The following SDCCAG8 variants were observed in gnomAD, a reference collection of about 807,000 sequenced individuals.
The protein encoded by SDCCAG8 is serologically defined colon cancer antigen 8.
SDCCAG8 carries 74 observed loss-of-function variants against 101.8 expected under a neutral mutation model. The observed-to-expected ratio is 0.73, with a 90% CI of 0.60 to 0.88. The LOEUF (loss-of-function observed/expected upper bound fraction) is 0.88. Ranked by LOEUF, SDCCAG8 falls within the 40% of genes least tolerant of loss-of-function variation. The probability of loss-of-function intolerance (pLI) is 0.00; values close to 1 mark genes in which losing one functional copy is unlikely to be tolerated. For synonymous variants in SDCCAG8, 281 were observed against 292.9 expected (o/e 0.96, Z 0.41); for missense variants, 787 against 822.6 (o/e 0.96, Z 0.53).
rs886046328 is a variant in SDCCAG8, at chr1:243,256,068, G to T, written c.-106G>T. 5 of 1,035,750 alleles carry T rather than the reference G, an allele frequency of 4.8e-6. No homozygotes were observed. The highest frequency in any genetic ancestry group is 7.7e-6 in the Non-Finnish European group (5 of 653,198). The allele number at this position is 1,035,750 out of a possible 1,614,324, so 64.2% of individuals were successfully genotyped here. ...TCTAGGCTCCCCTGTGACAGCCGCG[G>T]CAGGAAGCAGGCGGGCGCTCCCCGG... is the stretch of plus-strand genomic sequence containing the variant. On this transcript the variant is annotated 5_prime_UTR_variant, in exon 1 of 18. Coordinates refer to ENST00000366541, the MANE Select transcript of SDCCAG8 (RefSeq NM_006642.5).
intron 12 of SDCCAG8, among the ~76,000 whole-genome samples, chr1:243,358,880 T>C (rs1276923703): frequency 6.6e-6 from 1 of 152,230 alleles, no homozygotes; most frequent in East Asian, 1.9e-4. Flanking sequence ...TATTGTATGA[T>C]TCAATTTATA....
intron 13 of SDCCAG8, among the ~76,000 whole-genome samples, chr1:243,411,538 T>C (rs920463533): frequency 1.1e-4 from 16 of 152,178 alleles, no homozygotes; most frequent in Non-Finnish European, 2.2e-4. Flanking sequence ...AGTCATAACA[T>C]AGAAGAACAT....
At chr1:243,347,262 C>A (rs966153463) in intron 12 of SDCCAG8, among the ~76,000 whole-genome samples, 1 of 151,976 alleles carries the variant, frequency 6.6e-6, no homozygotes, top group Non-Finnish European at 1.5e-5. Context: ...TCATAAATAC[C>A]CATGTGGATC....
At chr1:243,487,917 C>G (rs1186689072) in intron 16 of SDCCAG8, 1 of 152,544 alleles carries the variant, frequency 6.6e-6, no homozygotes, top group Non-Finnish European at 1.5e-5. Flanking sequence ...GGGCTCGGGC[C>G]CCTGGACCAA....
At chr1:243,346,558 A>G (rs1051069147) in intron 12 of SDCCAG8, among the ~76,000 whole-genome samples, 2 of 152,238 alleles carry the variant, frequency 1.3e-5, no homozygotes, top group African/African-American at 4.8e-5. Context: ...AAATAGGGCA[A>G]ATGGTTAACC....
intron 16 of SDCCAG8, among the ~76,000 whole-genome samples, chr1:243,482,546 C>T (rs1336890121): frequency 1.3e-5 from 2 of 152,222 alleles, no homozygotes; most frequent in South Asian, 2.1e-4. Context: ...CCTACCCAGG[C>T]AGGGGTGGCA....
At chr1:243,450,537 C>T (rs996043604) in intron 16 of SDCCAG8, among the ~76,000 whole-genome samples, 5 of 152,148 alleles carry the variant, frequency 3.3e-5, no homozygotes, top group Admixed American at 2.0e-4. Flanking sequence ...ATTCTTGTCT[C>T]GTGGGAAAGC....
intron 4 of SDCCAG8, among the ~76,000 whole-genome samples, chr1:243,276,459 G>C (rs2068581371): frequency 6.6e-6 from 1 of 152,130 alleles, no homozygotes; most frequent in Admixed American, 6.5e-5. Flanking sequence ...GAAAGATTTT[G>C]TTTATTTAGT....
intron 12 of SDCCAG8, among the ~76,000 whole-genome samples, chr1:243,353,079 G>A (rs186051539): frequency 5.3e-5 from 8 of 152,266 alleles, no homozygotes; most frequent in African/African-American, 1.9e-4. Context: ...TCAGAAAGGA[G>A]TATGTAAACC....
chr1:243,266,117 T>G (rs2067564420), intron 1 of SDCCAG8, among the ~76,000 whole-genome samples: 2 of 152,200 alleles, frequency 1.3e-5, no homozygotes, highest in Non-Finnish European at 1.5e-5. Context: ...GGATACAATG[T>G]GGAATAATTA....
At chr1:243,269,643 G>T (rs1464231180) in intron 1 of SDCCAG8, among the ~76,000 whole-genome samples, 1 of 152,082 alleles carries the variant, frequency 6.6e-6, no homozygotes, top group African/African-American at 2.4e-5. Context: ...TGTCCCCAGG[G>T]ACAATGAGGC....
intron 12 of SDCCAG8, among the ~76,000 whole-genome samples, chr1:243,348,495 C>T (rs1213286310): frequency 6.6e-6 from 1 of 152,082 alleles, no homozygotes; most frequent in African/African-American, 2.4e-5. Flanking sequence ...GACATACGCA[C>T]CTCCCCCAGT....
intron 13 of SDCCAG8, among the ~76,000 whole-genome samples, chr1:243,389,158 C>CG (rs1432335792): frequency 1.7e-4 from 25 of 149,232 alleles, no homozygotes; most frequent in African/African-American, 5.4e-4. Context: ...CCTCCCCCCC[C>CG]CAAAAAAAAA....
At chr1:243,322,215 C>A (rs758124111) in intron 9 of SDCCAG8, among the ~76,000 whole-genome samples, 1 of 152,130 alleles carries the variant, frequency 6.6e-6, no homozygotes, top group Non-Finnish European at 1.5e-5. Context: ...AGTTGACTGG[C>A]AAGGAGGCAA....
intron 16 of SDCCAG8, among the ~76,000 whole-genome samples, chr1:243,427,561 C>T (rs1034626796): frequency 6.6e-6 from 1 of 152,036 alleles, no homozygotes; most frequent in African/African-American, 2.4e-5. Context: ...GGCATCCCCA[C>T]ACCATTTCCC....
At chr1:243,412,925 T>C (rs1332702044) in intron 13 of SDCCAG8, among the ~76,000 whole-genome samples, 5 of 152,136 alleles carry the variant, frequency 3.3e-5, no homozygotes, top group Non-Finnish European at 7.3e-5. Context: ...TCTGGGAATT[T>C]ATAAAAAGCC....
intron 6 of SDCCAG8, among the ~76,000 whole-genome samples, chr1:243,298,506 G>A (rs1270771585): frequency 1.3e-5 from 2 of 151,742 alleles, no homozygotes; most frequent in Admixed American, 1.3e-4. Context: ...TAGTAGAGAC[G>A]GGGTTTCACC....
In SDCCAG8 at chr1:243,258,142, G is replaced by A. The variant is rs148779988; in HGVS notation, c.67+1902G>A. On this transcript the variant is annotated intron_variant, in intron 1 of 17. Coordinates refer to ENST00000366541, the MANE Select transcript of SDCCAG8 (RefSeq NM_006642.5). ...AGTGTGATAACAATATAAGGTAGTG[G>A]AAACATTTCACCAAGAGCAAATACG... is the stretch of plus-strand genomic sequence containing the variant. 3.7e-3 allele frequency among the ~76,000 whole-genome samples: 568 copies of A among 151,768 alleles called. 2 individuals are homozygous for A. The highest frequency in any genetic ancestry group is 0.013 in the African/African-American group (542 of 41,392).
At chr1:243,291,593 GATAA>G (rs1394058029) in intron 5 of SDCCAG8, among the ~76,000 whole-genome samples, 1 of 152,168 alleles carries the variant, frequency 6.6e-6, no homozygotes, top group Non-Finnish European at 1.5e-5. Context: ...TTTTACTGAA[GATAA>G]ATATTTTTCT....
Sources: gnomAD v4.1 joint callset for allele counts (sites outside exome capture counted in the v4.1 genomes callset) on GRCh38, gnomAD v4.1.1 for gene constraint, MANE v1.5 for transcripts, NCBI Gene and HGNC (gene_info 2026-07-23, HGNC 2026-07-21) for gene names.